Variants in CSPP1 observed in about 807,000 individuals in gnomAD.
The protein encoded by CSPP1 is centrosome and spindle pole associated protein 1, also known as centrosome and spindle pole-associated protein 1.
CSPP1 carries 126 observed loss-of-function variants against 164.4 expected under a neutral mutation model. That is an observed-to-expected ratio of 0.77 (90% CI 0.66 to 0.89). The LOEUF (loss-of-function observed/expected upper bound fraction) is 0.89, where lower values mean the gene tolerates loss of function less well. Ranked by LOEUF, CSPP1 falls within the 40% of genes least tolerant of loss-of-function variation. The pLI, the probability that CSPP1 is intolerant of heterozygous loss-of-function variation, is 0.00. For synonymous variants in CSPP1, 472 were observed against 476.7 expected (o/e 0.99, Z 0.13); for missense variants, 1,395 against 1,449.8 (o/e 0.96, Z 0.61).
intron 8 of CSPP1, among the ~76,000 whole-genome samples, chr8:67,104,514 G>A (rs923833681): frequency 3.9e-5 from 6 of 151,928 alleles, no homozygotes; most frequent in African/African-American, 1.4e-4. Flanking sequence ...GGGATTACAG[G>A]CATGAGCCAT....
At chr8:67,159,966 C>CT (rs771218078) in intron 21 of CSPP1, among the ~76,000 whole-genome samples, 1 of 41,336 alleles carries the variant, frequency 2.4e-5, no homozygotes, top group Non-Finnish European at 3.8e-5. Context: ...TCTTTCTTTT[C>CT]TTTTCTTTTC....
intron 4 of CSPP1, among the ~76,000 whole-genome samples, chr8:67,091,391 GA>G (rs954375212): frequency 6.6e-6 from 1 of 151,916 alleles, no homozygotes; most frequent in Admixed American, 6.6e-5. Context: ...AGGAAAAATA[GA>G]AAAAAAACTT....
At chr8:67,111,516 A>G (rs1816831718) in intron 9 of CSPP1, among the ~76,000 whole-genome samples, 2 of 152,154 alleles carry the variant, frequency 1.3e-5, no homozygotes, top group South Asian at 4.1e-4. Context: ...ATATGAAGTG[A>G]ATAGAAGAGG....
At chr8:67,092,434 C>A (rs141212529) in intron 5 of CSPP1, among the ~76,000 whole-genome samples, 27 of 152,184 alleles carry the variant, frequency 1.8e-4, no homozygotes, top group African/African-American at 6.5e-4. Flanking sequence ...TTTCAAAAGA[C>A]AGACCTAGTT....
chr8:67,085,410 A>G (rs1298282732), intron 3 of CSPP1, among the ~76,000 whole-genome samples: 1 of 152,000 alleles, frequency 6.6e-6, no homozygotes. Flanking sequence ...TAAGCAACAC[A>G]TGGCCCTAAT....
At chr8:67,146,352 G>A (rs550355466) in intron 17 of CSPP1, among the ~76,000 whole-genome samples, 9 of 151,670 alleles carry the variant, frequency 5.9e-5, no homozygotes, top group African/African-American at 1.7e-4. Context: ...CAAACTCCTG[G>A]CCTCAAATGA....
intron 28 of CSPP1, 38 bp downstream of exon 28, chr8:67,179,964 AT>A (rs1832627165): frequency 8.5e-7 from 1 of 1,170,640 alleles, no homozygotes; most frequent in Non-Finnish European, 1.3e-6. Flanking sequence ...TATTGTTTAA[AT>A]ATTAAACCTT....
At chr8:67,139,635 C>T (rs1312059742) in intron 17 of CSPP1, among the ~76,000 whole-genome samples, 3 of 152,178 alleles carry the variant, frequency 2.0e-5, no homozygotes, top group African/African-American at 4.8e-5. Flanking sequence ...AAATGTGGCA[C>T]ATATACACCA....
rs766474580 is a variant in CSPP1, at chr8:67,159,952, TC to T, written c.2538+817del. Among the ~76,000 whole-genome samples, 363 of 62,852 alleles carry T rather than the reference TC, an allele frequency of 5.8e-3. 23 individuals are homozygous for T. The highest frequency in any genetic ancestry group is 7.7e-3 in the Non-Finnish European group (229 of 29,826). 41.2% of individuals were successfully genotyped at this position (62,852 alleles called of 152,430 possible). A position where few individuals can be genotyped will look rare whatever the true frequency, so the allele number is the denominator to read the frequency against. ...TTCCTTCCTTCCTTCCTTCCTTCCT[TC>T]CTTCTTTCTTTTCTTTTCTTTTCTT... On this transcript the variant is annotated intron_variant, in intron 21 of 30. Transcript: ENST00000678616.
intron 15 of CSPP1, among the ~76,000 whole-genome samples, chr8:67,130,216 A>G (rs932614357): frequency 1.3e-5 from 2 of 152,200 alleles, no homozygotes; most frequent in African/African-American, 2.4e-5. Flanking sequence ...TATACTTAAT[A>G]CCCCAATTAT....
At chr8:67,095,262 T>C (rs746354692) in intron 6 of CSPP1, 31 bp from the exon 7 acceptor site, 3 of 1,422,944 alleles carry the variant, frequency 2.1e-6, no homozygotes, top group Admixed American at 2.4e-5. Context: ...CTTGTCAAGT[T>C]TTGTTTCTTT....
At chr8:67,095,159 T>TATTA in intron 6 of CSPP1, 134 bp from the exon 7 acceptor site, 1 of 485,608 alleles carries the variant, frequency 2.1e-6, no homozygotes, top group Non-Finnish European at 3.6e-6. Flanking sequence ...AACGTATATA[T>TATTA]ATATAAATAT....
chr8:67,122,782 G>T (rs1819221648), intron 15 of CSPP1, among the ~76,000 whole-genome samples: 1 of 151,702 alleles, frequency 6.6e-6, no homozygotes, highest in African/African-American at 2.4e-5. Context: ...TTATTTCCTT[G>T]ATCTTCTGTG....
intron 23 of CSPP1, 103 bp downstream of exon 23, chr8:67,163,901 C>A: frequency 2.3e-6 from 2 of 856,690 alleles, no homozygotes; most frequent in Non-Finnish European, 3.7e-6. Flanking sequence ...CAGTATAGAG[C>A]GGTTAGGTGC....
chr8:67,108,796 A>G (rs766650694), intron 9 of CSPP1, among the ~76,000 whole-genome samples: 1 of 152,094 alleles, frequency 6.6e-6, no homozygotes, highest in Non-Finnish European at 1.5e-5. Context: ...TTTGCATCAG[A>G]TTTTTCACCA....
In CSPP1 at chr8:67,195,548, A is replaced by G. The variant is rs1376704649; in HGVS notation, c.3636A>G (p.Lys1212=). The part of the protein sequence containing the change: ...LNQEQQQIPG[K]PGTFTWQGLS... ...AGGAGCAGCAGCAGATTCCTGGAAA[A>G]CCAGGCACTTTCACTTGGCAGGGCC... The change falls in exon 31 of 31, where the codon AAA becomes AAG. Residue 1212 remains lysine, a synonymous_variant. Coordinates refer to ENST00000678616, the MANE Select transcript of CSPP1 (RefSeq NM_001382391.1). The G allele has an allele frequency of 9.9e-6, 16 of 1,614,016 alleles. No individual in the cohort carries two copies. The highest frequency in any genetic ancestry group is 1.4e-5 in the Non-Finnish European group (16 of 1,180,032).
chr8:67,077,160 T>G (rs1382421607), intron 3 of CSPP1, among the ~76,000 whole-genome samples: 2 of 151,958 alleles, frequency 1.3e-5, no homozygotes, highest in South Asian at 4.1e-4. Context: ...GTTTATTTAT[T>G]AAAGACAGGG....
At chr8:67,157,541 C>CG (rs1376030801) in intron 19 of CSPP1, 2 of 152,038 alleles carry the variant, frequency 1.3e-5, no homozygotes, top group Admixed American at 6.6e-5. Context: ...GGTGAGCCAC[C>CG]GCGCCTGGCC....
At chr8:67,195,241 A>G in intron 30 of CSPP1, 141 bp from the exon 31 acceptor site, 1 of 708,636 alleles carries the variant, frequency 1.4e-6, no homozygotes. Context: ...AGTCTAACCA[A>G]AACAAACAAA....
Sources: gnomAD v4.1 joint callset for allele counts (sites outside exome capture counted in the v4.1 genomes callset) on GRCh38, gnomAD v4.1.1 for gene constraint, MANE v1.5 for transcripts, NCBI Gene and HGNC (gene_info 2026-07-23, HGNC 2026-07-21) for gene names.